The following DHX8 variants were observed in gnomAD, a reference collection of about 807,000 sequenced individuals.
The protein encoded by DHX8 is DEAH-box helicase 8.
In DHX8, 67 loss-of-function variants were observed where a neutral mutation model predicts 140.7. The observed-to-expected ratio is 0.48, with a 90% CI of 0.39 to 0.58. DHX8 has a LOEUF of 0.58. DHX8 is among the 20% of genes least tolerant of loss of function. The pLI, the probability that DHX8 is intolerant of heterozygous loss-of-function variation, is 0.00. For missense variants in DHX8, 887 were observed against 1,550.7 expected (o/e 0.57, Z 7.19); for synonymous variants, 533 against 553.2 (o/e 0.96, Z 0.51).
Position 43,490,551 on chromosome 17 carries a change from T to A in DHX8, c.307+88T>A. On this transcript the variant is annotated intron_variant, in intron 3 of 22. Coordinates refer to ENST00000262415, the MANE Select transcript of DHX8 (RefSeq NM_004941.3). Reference sequence around the variant, plus strand: ...ATTGCATTTGTTTTCCTCTCAGCAGTTGCTGAGCAAGTAAATGTTCCAGTA... The same window carrying A: ...ATTGCATTTGTTTTCCTCTCAGCAGATGCTGAGCAAGTAAATGTTCCAGTA... 2.8e-6 allele frequency: 3 copies of A among 1,089,478 alleles called. No individual in the cohort carries two copies. The East Asian group carries it at 7.2e-5, about 26-fold the overall frequency. 67.5% of individuals were successfully genotyped at this position (1,089,478 alleles called of 1,614,324 possible). A position where few individuals can be genotyped will look rare whatever the true frequency, so the allele number is the denominator to read the frequency against.
chr17:43,526,437 G>C, downstream of DHX8: 1 of 1,532,118 alleles, frequency 6.5e-7, no homozygotes, highest in South Asian at 1.2e-5. Context: ...CAGGCTCCTC[G>C]GTCCAGGTTT....
chr17:43,530,094 G>A (rs1178453980), downstream of DHX8: 1 of 1,603,470 alleles, frequency 6.2e-7, no homozygotes, highest in East Asian at 2.3e-5. Context: ...CAGGGGAAGG[G>A]GGGCTGCCTT....
chr17:43,484,127 G>A lies in DHX8; in HGVS notation c.90G>A (p.Leu30=). ...EELAKLEYLS[L]VSKVCTELDN... is the part of the protein sequence containing the mutation. The stretch of plus-strand genomic sequence containing the variant: ...TTGCCAAACTCGAGTACCTGTCTTT[G>A]GTGTCAAAGGTTTGCACTGAGCTGG... The change falls in exon 1 of 23, where the codon TTG becomes TTA. Residue 30 remains leucine, a synonymous_variant. Transcript: ENST00000262415. 6.2e-7 allele frequency: 1 copy of A among 1,614,176 alleles called. No individual in the cohort carries two copies.
chr17:43,508,470 A>AGT lies in DHX8; in HGVS notation c.2454_2455dup (p.Glu819ValfsTer19). 1 of 1,613,666 alleles carries AGT rather than the reference A, an allele frequency of 6.2e-7. No individual in the cohort carries two copies. The highest frequency in any genetic ancestry group is 8.5e-7 in the Non-Finnish European group (1 of 1,179,826). On this transcript the variant is annotated frameshift_variant, in exon 16 of 23. Transcript: ENST00000262415. LOFTEE classifies it high-confidence loss of function. Reference sequence around the variant, plus strand: ...CCTCCCAGTGTACTCTGCTCTTCCCAGTGAGATGCAGACCCGAATCTTTGA... The same window carrying AGT: ...CCTCCCAGTGTACTCTGCTCTTCCCAGTGTGAGATGCAGACCCGAATCTTTGA...
At chr17:43,489,837 G>A (rs1312548532) in intron 2 of DHX8, among the ~76,000 whole-genome samples, 4 of 152,068 alleles carry the variant, frequency 2.6e-5, no homozygotes, top group Non-Finnish European at 5.9e-5. Context: ...TGATCCACCC[G>A]CCTCGGCCTT....
intron 11 of DHX8, among the ~76,000 whole-genome samples, chr17:43,503,721 A>G (rs1018385739): frequency 6.6e-6 from 1 of 152,080 alleles, no homozygotes; most frequent in East Asian, 1.9e-4. Context: ...CACATATTGT[A>G]TGAAGTATCC....
intron 2 of DHX8, chr17:43,533,970 G>T: frequency 6.5e-7 from 1 of 1,537,058 alleles, no homozygotes. Context: ...CCTGGTGGTG[G>T]GGCTGTGGAA....
rs1434264453 is a variant in DHX8 at position 43,493,753 on chromosome 17, A to G, written c.1079A>G (p.Glu360Gly). ...CGAAATCTTGTCGGGGAGACCAATGAGGAGACCTCAATGCGGAATCCTGAT... is the reference window on the plus strand; with the variant it reads ...CGAAATCTTGTCGGGGAGACCAATGGGGAGACCTCAATGCGGAATCCTGAT... ...RRRNLVGETN[E>G]ETSMRNPDRP... Residue 360 changes from glutamate (E) to glycine (G), a missense_variant, in exon 8 of 23, where the codon GAG becomes GGG. Glu to Gly is a moderately conservative substitution (Grantham distance 98, BLOSUM62 -2). Transcript: ENST00000262415. 7 of 1,614,250 alleles carry G rather than the reference A, an allele frequency of 4.3e-6. No individual in the cohort carries two copies. The highest frequency in any genetic ancestry group is 1.3e-5 in the African/African-American group (1 of 75,068).
In DHX8 at chr17:43,498,768, A is replaced by G. The variant is rs1969019690; in HGVS notation, c.1301-94A>G. The G allele has an allele frequency of 3.0e-6, 3 of 1,015,828 alleles. No homozygotes were observed. In the South Asian group the frequency reaches 4.6e-5, roughly 16 times the overall value. 62.9% of individuals were successfully genotyped at this position (1,015,828 alleles called of 1,614,324 possible). On this transcript the variant is annotated intron_variant, in intron 9 of 22. Coordinates refer to ENST00000262415, the MANE Select transcript of DHX8 (RefSeq NM_004941.3). Reference sequence around the variant, plus strand: ...CCCACCAGGGGAAGCTGTTTTTGATAAAGATTGTTGGTACCTATGGAAATT... The same window carrying G: ...CCCACCAGGGGAAGCTGTTTTTGATGAAGATTGTTGGTACCTATGGAAATT...
intron 2 of DHX8, chr17:43,533,902 G>A (rs753960184): frequency 1.9e-6 from 3 of 1,596,114 alleles, no homozygotes; most frequent in African/African-American, 1.4e-5. Flanking sequence ...GGGAGTGGCG[G>A]CTTCCTGCTG....
At chr17:43,534,085 T>C in intron 2 of DHX8, 1 of 1,266,196 alleles carries the variant, frequency 7.9e-7, no homozygotes, top group Non-Finnish European at 1.0e-6. Context: ...GCTGGGTGAC[T>C]GGTACAGCCT....
chr17:43,511,553 G>A (rs577547260), intron 16 of DHX8, among the ~76,000 whole-genome samples: 2 of 136,428 alleles, frequency 1.5e-5, no homozygotes, highest in East Asian at 4.7e-4. Context: ...TGCCTCCCAG[G>A]TTCAAGTGAT....
At chr17:43,534,802 G>C (rs559305016) in intron 2 of DHX8, among the ~76,000 whole-genome samples, 1 of 151,932 alleles carries the variant, frequency 6.6e-6, no homozygotes, top group African/African-American at 2.4e-5. Context: ...TTAGCCGGGC[G>C]TGGTGGCACA....
chr17:43,530,806 G>A (rs1970887158), downstream of DHX8, among the ~76,000 whole-genome samples: 1 of 152,042 alleles, frequency 6.6e-6, no homozygotes, highest in African/African-American at 2.4e-5. Context: ...ACCCGTTCAA[G>A]TTCCAACCCC....
At chr17:43,508,254 G>T (rs1969601565) in intron 15 of DHX8, 85 bp from the exon 16 acceptor site, 1 of 1,514,532 alleles carries the variant, frequency 6.6e-7, no homozygotes, top group Non-Finnish European at 8.8e-7. Context: ...TCTGTTATTT[G>T]AAGTTTTATT....
downstream of DHX8, among the ~76,000 whole-genome samples, chr17:43,531,383 G>A (rs1346199762): frequency 6.6e-6 from 1 of 152,182 alleles, no homozygotes; most frequent in Admixed American, 6.5e-5. Flanking sequence ...TCTCACTCCA[G>A]TCAACAGCCA....
At chr17:43,494,220 G>A (rs966161854) in intron 8 of DHX8, among the ~76,000 whole-genome samples, 19 of 152,256 alleles carry the variant, frequency 1.2e-4, no homozygotes, top group Admixed American at 5.9e-4. Context: ...TGACAACAGC[G>A]TGGGAAAGAG....
At chr17:43,528,752 A>G, downstream of DHX8, 3 of 1,612,132 alleles carry the variant, frequency 1.9e-6, no homozygotes, top group Non-Finnish European at 2.5e-6. Context: ...ACCTATGGGG[A>G]GAGAGAAGGT....
chr17:43,532,687 G>A (rs769039480), intron 2 of DHX8: 17 of 1,612,316 alleles, frequency 1.1e-5, no homozygotes, highest in Non-Finnish European at 1.4e-5. Flanking sequence ...AGTCGTAGGC[G>A]AAGTCCGTCT....
Sources: gnomAD v4.1 joint callset for allele counts (sites outside exome capture counted in the v4.1 genomes callset) on GRCh38, gnomAD v4.1.1 for gene constraint, MANE v1.5 for transcripts, NCBI Gene and HGNC (gene_info 2026-07-23, HGNC 2026-07-21) for gene names.